The following DPP9 variants were observed in gnomAD, a reference collection of about 807,000 sequenced individuals.
DPP9 encodes the protein dipeptidyl peptidase 9.
DPP9 carries 50 observed loss-of-function variants against 110.7 expected under a neutral mutation model. The observed-to-expected ratio is 0.45, with a 90% CI of 0.36 to 0.57. The LOEUF is 0.57. DPP9 is among the 20% of genes least tolerant of loss of function. The pLI is 0.00. For missense variants in DPP9, 1,022 were observed against 1,217.9 expected (o/e 0.84, Z 2.39); for synonymous variants, 561 against 514.4 (o/e 1.09, Z -1.23).
At position 4,694,369 on chromosome 19, in the gene DPP9, T is replaced by C. The variant is rs2091600733; in HGVS notation, c.1516+292A>G. The stretch of plus-strand genomic sequence containing the variant: ...ATAAAACTTTATTTATGAACACAGG[T>C]GGTGGGCCGGATTTGACCTGTGGGC... On this transcript the variant is annotated intron_variant, in intron 13 of 21. Transcript: ENST00000262960. This position sits in a 1 kb window ranked among gnomAD's most constrained non-coding sequence, Gnocchi z 4.0. The C allele has an allele frequency of 2.0e-6, 1 of 508,074 alleles. No homozygotes were observed. Among genetic ancestry groups the C allele is most frequent in the Non-Finnish European group, 3.5e-6 (1 of 287,900 alleles). 31.5% of individuals were successfully genotyped at this position (508,074 alleles called of 1,614,324 possible). A position where few individuals can be genotyped will look rare whatever the true frequency, so the allele number is the denominator to read the frequency against.
rs1360874009 is a variant in DPP9, at chr19:4,684,580, C to T, written c.2178+83G>A. 1.0e-5 allele frequency: 16 copies of T among 1,525,148 alleles called. No individual in the cohort carries two copies. Among genetic ancestry groups the T allele is most frequent in the East Asian group, 4.6e-5 (2 of 43,482 alleles). The allele number at this position is 1,525,148 out of a possible 1,614,324, so 94.5% of individuals were successfully genotyped here. On this transcript the variant is annotated intron_variant, in intron 18 of 21. Coordinates refer to ENST00000262960, the MANE Select transcript of DPP9 (RefSeq NM_139159.5). This position sits in a 1 kb window ranked among gnomAD's most constrained non-coding sequence, Gnocchi z 4.8. ...CCTTCTGCGGGTGGTATTCCAGAGCCGCTCCCATGCCCTGCACCCACACGG... is the reference window on the plus strand; with the variant it reads ...CCTTCTGCGGGTGGTATTCCAGAGCTGCTCCCATGCCCTGCACCCACACGG...
chr19:4,679,242 C>T (rs920814722), intron 21 of DPP9: 2 of 153,126 alleles, frequency 1.3e-5, no homozygotes, highest in Admixed American at 6.5e-5. Context: ...AGAAGTCCCA[C>T]CCTCCTCGCC....
intron 14 of DPP9, among the ~76,000 whole-genome samples, 182 bp downstream of exon 14, chr19:4,690,696 T>C (rs1049644904): frequency 2.0e-5 from 3 of 152,176 alleles, no homozygotes; most frequent in Non-Finnish European, 4.4e-5. Flanking sequence ...GTAGACACCG[T>C]GCTGAGGCCT....
At chr19:4,711,488 G>C (rs1280713619) in intron 4 of DPP9, among the ~76,000 whole-genome samples, 1 of 151,900 alleles carries the variant, frequency 6.6e-6, no homozygotes, top group African/African-American at 2.4e-5. Context: ...TCAGAGGGAG[G>C]CAGGCCAGGC....
intron 16 of DPP9, chr19:4,688,375 T>G: frequency 1.5e-5 from 3 of 198,560 alleles, no homozygotes; most frequent in East Asian, 1.1e-4. Context: ...TCCCAAAGCA[T>G]TGGGATTACA....
chr19:4,685,519 C>T lies in DPP9; in HGVS notation c.2031+107G>A, dbSNP rs372328410. The T allele has an allele frequency of 1.5e-4, 189 of 1,276,298 alleles. 2 individuals carry two copies. In the East Asian group the frequency reaches 2.2e-3, roughly 15 times the overall value. The allele number at this position is 1,276,298 out of a possible 1,614,324, so 79.1% of individuals were successfully genotyped here. A position where few individuals can be genotyped will look rare whatever the true frequency, so the allele number is the denominator to read the frequency against. ...TGGGCTGGGGCACCAGGCAGGTAGC[C>T]GGGGAGCCTCCTCTGGTTGACTGTT... On this transcript the variant is annotated intron_variant, in intron 17 of 21. Transcript: ENST00000262960. This position sits in a 1 kb window ranked among gnomAD's most constrained non-coding sequence, Gnocchi z 5.8.
rs1368837851 is a variant in DPP9, at chr19:4,700,167, T to A, written c.1074+49A>T. The A allele has an allele frequency of 1.2e-5, 18 of 1,448,522 alleles. No individual in the cohort carries two copies. Among genetic ancestry groups the A allele is most frequent in the African/African-American group, 2.9e-5 (2 of 70,158 alleles). The allele number at this position is 1,448,522 out of a possible 1,614,324, so 89.7% of individuals were successfully genotyped here. On this transcript the variant is annotated intron_variant, in intron 10 of 21. Transcript: ENST00000262960. The surrounding 1 kb of genome is among the most constrained non-coding windows in gnomAD (Gnocchi z 4.3). ...ATCCACCCAGCTGCCTACCCGGCCC[T>A]TCCCCGCATCATCTAGTAGATTATC...
Position 4,682,139 on chromosome 19 carries a change from C to T in DPP9, c.2474+557G>A, listed in dbSNP as rs1054192616. Among the ~76,000 whole-genome samples the T allele has an allele frequency of 6.6e-5, 10 of 152,066 alleles. No homozygotes were observed. The highest frequency in any genetic ancestry group is 2.1e-4 in the South Asian group (1 of 4,824). On this transcript the variant is annotated intron_variant, in intron 20 of 21. Coordinates refer to ENST00000262960, the MANE Select transcript of DPP9 (RefSeq NM_139159.5). This position sits in a 1 kb window ranked among gnomAD's most constrained non-coding sequence, Gnocchi z 7.1. Reference sequence around the variant, plus strand: ...CTGGGATTACAGGAGTGAGCCACCGCGCCCGGCCCATGCCCAGGCAGATTT... The same window carrying T: ...CTGGGATTACAGGAGTGAGCCACCGTGCCCGGCCCATGCCCAGGCAGATTT...
At position 4,676,620 on chromosome 19, in the gene DPP9, C is replaced by T. The variant is rs1351575585; in HGVS notation, c.2623G>A (p.Glu875Lys). The T allele has an allele frequency of 1.2e-6, 2 of 1,609,024 alleles. No individual in the cohort carries two copies. The highest frequency in any genetic ancestry group is 1.1e-5 in the South Asian group (1 of 90,082). ...PNERHSIRCP[E>K]SGEHYEVTLL... ...GTGACTTCATAGTGCTCGCCCGACT[C>T]GGGGCAGCGAATACTGTGTCTCTCG... Residue 875 changes from glutamate (E) to lysine (K), a missense_variant, in exon 22 of 22, where the codon GAG becomes AAG. Glu to Lys is a moderately conservative substitution (Grantham distance 56). Around this residue, in one of 3 missense-constraint regions of DPP9, gnomAD observed 209 missense variants for 280.4 expected, o/e 0.75. Coordinates refer to ENST00000262960, the MANE Select transcript of DPP9 (RefSeq NM_139159.5). The surrounding 1 kb of genome is among the most constrained non-coding windows in gnomAD (Gnocchi z 4.0).
Position 4,689,912 on chromosome 19 carries a change from G to A in DPP9, c.1597-190C>T, listed in dbSNP as rs896457177. On this transcript the variant is annotated intron_variant, in intron 14 of 21. Coordinates refer to ENST00000262960, the MANE Select transcript of DPP9 (RefSeq NM_139159.5). The surrounding 1 kb of genome is among the most constrained non-coding windows in gnomAD (Gnocchi z 7.0). Reference sequence around the variant, plus strand: ...GCGCTTATCTGGCCCCGTGGGCTGGGAGCAGCCCCTGGTCGAGCTGGGAAC... The same window carrying A: ...GCGCTTATCTGGCCCCGTGGGCTGGAAGCAGCCCCTGGTCGAGCTGGGAAC... Among the ~76,000 whole-genome samples the A allele has an allele frequency of 3.3e-5, 5 of 152,328 alleles. No individual in the cohort carries two copies. The East Asian group carries it at 9.7e-4, about 29-fold the overall frequency.
At chr19:4,679,667 T>C in intron 21 of DPP9, 168 bp downstream of exon 21, 1 of 587,688 alleles carries the variant, frequency 1.7e-6, no homozygotes, top group East Asian at 2.9e-5. Context: ...TCAATGGCCC[T>C]GGGAGCTGGG....
intron 4 of DPP9, among the ~76,000 whole-genome samples, chr19:4,711,735 T>C (rs1377814753): frequency 7.7e-6 from 1 of 129,164 alleles, no homozygotes; most frequent in South Asian, 2.5e-4. Flanking sequence ...ATTGCGCCAT[T>C]GCACTCCAGC....
chr19:4,709,562 T>G (rs1333109845), intron 4 of DPP9, among the ~76,000 whole-genome samples: 1 of 152,084 alleles, frequency 6.6e-6, no homozygotes, highest in Non-Finnish European at 1.5e-5. Context: ...AAGTGATGTG[T>G]GATTTCGCTC....
intron 7 of DPP9, among the ~76,000 whole-genome samples, chr19:4,703,646 A>T (rs1599922022): frequency 6.8e-6 from 1 of 147,606 alleles, no homozygotes; most frequent in African/African-American, 2.5e-5. Context: ...GGGCAACTGC[A>T]CTCCCACATG....
Position 4,695,505 on chromosome 19 carries a change from A to G in DPP9, c.1226T>C (p.Leu409Pro), listed in dbSNP as rs1255292853. ...CGGGATGAACAGGGCCGGGGGGAGGAGGACGAGCTGGAGCCACTGCTGGGG... is the reference window on the plus strand; with the variant it reads ...CGGGATGAACAGGGCCGGGGGGAGGGGGACGAGCTGGAGCCACTGCTGGGG... ...DRPQQWLQLVLLPPALFIPST... is the reference protein window; with the variant it reads ...DRPQQWLQLVPLPPALFIPST... The change falls in exon 12 of 22, where the codon CTC becomes CCC. Residue 409 changes from leucine to proline, a missense_variant. Leu to Pro is a moderately conservative substitution (Grantham distance 98, BLOSUM62 -3). Coordinates refer to ENST00000262960, the MANE Select transcript of DPP9 (RefSeq NM_139159.5). The surrounding 1 kb of genome is among the most constrained non-coding windows in gnomAD (Gnocchi z 4.7). 2 of 1,547,620 alleles carry G rather than the reference A, an allele frequency of 1.3e-6. No homozygotes were observed. The highest frequency in any genetic ancestry group is 1.2e-5 in the South Asian group (1 of 81,160).
rs1432582537 is a variant in DPP9, at chr19:4,676,652, T to C, written c.2591A>G (p.Tyr864Cys). Residue 864 changes from tyrosine to cysteine, a missense_variant, in exon 22 of 22, where the codon TAC (tyrosine) becomes TGC (cysteine). By Grantham distance (194) the Tyr-to-Cys change is radical (BLOSUM62 -2). This residue lies in a region of DPP9 where 209 missense variants were observed against 280.4 expected (regional missense o/e 0.75). Transcript: ENST00000262960. This position sits in a 1 kb window ranked among gnomAD's most constrained non-coding sequence, Gnocchi z 4.0. The stretch of plus-strand genomic sequence containing the variant: ...GCGAATACTGTGTCTCTCGTTGGGG[T>C]AGATCTGCGGGGAGACAGGAGGCAG... The part of the protein sequence containing the change: ...RAGKPYQLQI[Y>C]PNERHSIRCP... The C allele has an allele frequency of 1.9e-6, 3 of 1,600,468 alleles. No homozygotes were observed. Among genetic ancestry groups the C allele is most frequent in the African/African-American group, 1.3e-5 (1 of 74,600 alleles).
rs201086355 is a variant in DPP9, at chr19:4,711,827, GAGA to G, written c.313+2251_313+2253del. On this transcript the variant is annotated intron_variant, in intron 4 of 21. Transcript: ENST00000262960. ...AGGCAGAGGGGAATTTCAGACAGAAGAGAAGAAGAGGAGGAGGAGGAAGCTGTG... is the reference window on the plus strand; with the variant it reads ...AGGCAGAGGGGAATTTCAGACAGAAGAGAAGAGGAGGAGGAGGAAGCTGTG... Among the ~76,000 whole-genome samples the G allele has an allele frequency of 1.6e-3, 230 of 143,474 alleles. 6 individuals carry two copies. The highest frequency in any genetic ancestry group is 0.012 in the Admixed American group (165 of 14,106). 94.1% of individuals were successfully genotyped at this position (143,474 alleles called of 152,430 possible). A position where few individuals can be genotyped will look rare whatever the true frequency, so the allele number is the denominator to read the frequency against.
At chr19:4,697,794 T>A (rs2091927278) in intron 10 of DPP9, 143 bp from the exon 11 acceptor site, 1 of 653,976 alleles carries the variant, frequency 1.5e-6, no homozygotes, top group Admixed American at 2.8e-5. Flanking sequence ...GAACGCAACC[T>A]TCTTTGGAAA....
intron 4 of DPP9, among the ~76,000 whole-genome samples, chr19:4,708,356 T>TC (rs1372691412): frequency 6.6e-6 from 1 of 152,116 alleles, no homozygotes; most frequent in African/African-American, 2.4e-5. Flanking sequence ...TTTGGACTCA[T>TC]CCCCCTGGCA....
Sources: gnomAD v4.1 joint callset for allele counts (sites outside exome capture counted in the v4.1 genomes callset) on GRCh38, gnomAD v4.1.1 for gene constraint, gnomAD v4.1.1 regional missense constraint, Gnocchi (gnomAD v3.1) non-coding constraint, MANE v1.5 for transcripts, NCBI Gene and HGNC (gene_info 2026-07-23, HGNC 2026-07-21) for gene names.